PNPLA7: variants seen among roughly 807,000 people sequenced by gnomAD.
PNPLA7 encodes patatin like domain 7, lysophospholipase, also known as patatin-like phospholipase domain-containing protein 7.
PNPLA7 carries 153 observed loss-of-function variants against 161.7 expected under a neutral mutation model. That is an observed-to-expected ratio of 0.95 (90% CI 0.83 to 1.08). PNPLA7 has a LOEUF of 1.08. Among genes scored for constraint, PNPLA7 ranks in the 50% least tolerant of loss-of-function variants. PNPLA7 has a pLI of 0.00. For missense variants in PNPLA7, 1,739 were observed against 1,856.6 expected, an observed-to-expected ratio of 0.94 and a Z score of 1.16; for synonymous variants, 809 against 782.1, an observed-to-expected ratio of 1.03 and a Z score of -0.57.
chr9:137,487,316 G>A (rs1341826265), intron 20 of PNPLA7, among the ~76,000 whole-genome samples: 2 of 152,260 alleles, frequency 1.3e-5, no homozygotes, highest in Non-Finnish European at 2.9e-5. Flanking sequence ...CATCCACACC[G>A]GGCCCTGGTC....
chr9:137,507,496 CCT>C (rs1464858793), intron 12 of PNPLA7, among the ~76,000 whole-genome samples: 1 of 152,064 alleles, frequency 6.6e-6, no homozygotes, highest in Non-Finnish European at 1.5e-5. Flanking sequence ...ATGGAGAAAC[CCT>C]GTCTCCACTA....
At position 137,478,962 on chromosome 9, in the gene PNPLA7, C is replaced by T; in HGVS notation, c.2763+94G>A. The stretch of plus-strand genomic sequence containing the variant: ...AGGAAGGGCCCAGGAGCGCAGGTGT[C>T]AGGGAATCAGGTGGGGAATGTGAAG... On this transcript the variant is annotated intron_variant, in intron 24 of 34. Transcript: ENST00000406427. 6 of 1,403,196 alleles carry T rather than the reference C, an allele frequency of 4.3e-6. No homozygotes were observed. The South Asian group carries it at 8.8e-5, about 21-fold the overall frequency. 86.9% of individuals were successfully genotyped at this position (1,403,196 alleles called of 1,614,324 possible). A position where few individuals can be genotyped will look rare whatever the true frequency, so the allele number is the denominator to read the frequency against.
Position 137,520,176 on chromosome 9 carries a change from A to G in PNPLA7, c.958-133T>C. 2.3e-6 allele frequency: 3 copies of G among 1,324,370 alleles called. No homozygotes were observed. The highest frequency in any genetic ancestry group is 2.3e-5 in the East Asian group (1 of 42,840). The allele number at this position is 1,324,370 out of a possible 1,614,324, so 82.0% of individuals were successfully genotyped here. ...CAGGTGTGGGCCCCTCAAAGGTGTGACAGGTGTGGGACTCTCAAAGGTGTG... is the reference window on the plus strand; with the variant it reads ...CAGGTGTGGGCCCCTCAAAGGTGTGGCAGGTGTGGGACTCTCAAAGGTGTG... On this transcript the variant is annotated intron_variant, in intron 10 of 34. Coordinates refer to ENST00000406427, the MANE Select transcript of PNPLA7 (RefSeq NM_001098537.3). The surrounding 1 kb of genome is among the most constrained non-coding windows in gnomAD (Gnocchi z 5.2).
In PNPLA7 at chr9:137,478,132, G is replaced by A; in HGVS notation, c.2784C>T (p.Val928=). The part of the protein sequence containing the change: ...LPKLVEMYKH[V]FQRPPDRHSD... ...AGTGTCGGTCCGGGGGCCGCTGGAA[G>A]ACATGCTTGTACATCTCCACCTGGG... Residue 928 remains valine (V), a synonymous_variant, in exon 25 of 35, where the codon GTC becomes GTT. Transcript: ENST00000406427. 1 of 1,347,006 alleles carries A rather than the reference G, an allele frequency of 7.4e-7. No homozygotes were observed. Among genetic ancestry groups the A allele is most frequent in the Non-Finnish European group, 9.6e-7 (1 of 1,041,578 alleles). 83.4% of individuals were successfully genotyped at this position (1,347,006 alleles called of 1,614,324 possible).
At chr9:137,503,786 G>GAAAAAAGAAGAGAGAAGAAGAAAGAAAT (rs374070077) in intron 14 of PNPLA7, among the ~76,000 whole-genome samples, 7 of 3,354 alleles carry the variant, frequency 2.1e-3, no homozygotes, top group African/African-American at 0.018. Context: ...AAAGAAAGAA[G>GAAAAAAGAAGAGAGAAGAAGAAAGAAAT]AGAATGAAGA....
chr9:137,524,908 C>A lies in PNPLA7; in HGVS notation c.748-2051G>T, dbSNP rs537586449. The stretch of plus-strand genomic sequence containing the variant: ...CTGTCTTCACCAGCAGTTGGTGCCA[C>A]CATGTCGCATAATAAAGAATTTAGC... On this transcript the variant is annotated intron_variant, in intron 8 of 34. Coordinates refer to ENST00000406427, the MANE Select transcript of PNPLA7 (RefSeq NM_001098537.3). The surrounding 1 kb of genome is among the most constrained non-coding windows in gnomAD (Gnocchi z 4.4). Among the ~76,000 whole-genome samples, 1 of 152,334 alleles carries A rather than the reference C, an allele frequency of 6.6e-6. No homozygotes were observed. The highest frequency in any genetic ancestry group is 1.9e-4 in the East Asian group (1 of 5,188).
chr9:137,519,423 G>C (rs1834868214), intron 11 of PNPLA7, among the ~76,000 whole-genome samples: 1 of 152,244 alleles, frequency 6.6e-6, no homozygotes, highest in Non-Finnish European at 1.5e-5. Context: ...GAGAATTCTG[G>C]GAACAACTGA....
intron 14 of PNPLA7, among the ~76,000 whole-genome samples, chr9:137,503,775 A>AG (rs1833671076): frequency 8.3e-3 from 3 of 360 alleles, no homozygotes; most frequent in African/African-American, 0.048. Flanking sequence ...AAAAGAAGAA[A>AG]AAAGAAAGAA....
chr9:137,502,700 ACGC>A (rs1564321493), intron 14 of PNPLA7, among the ~76,000 whole-genome samples: 11 of 53,178 alleles, frequency 2.1e-4, no homozygotes, highest in Non-Finnish European at 3.5e-4. Context: ...GACGGGGGGG[ACGC>A]GGGGGACGCG....
At position 137,523,233 on chromosome 9, in the gene PNPLA7, A is replaced by G. The variant is rs1005523238; in HGVS notation, c.748-376T>C. On this transcript the variant is annotated intron_variant, in intron 8 of 34. Coordinates refer to ENST00000406427, the MANE Select transcript of PNPLA7 (RefSeq NM_001098537.3). The surrounding 1 kb of genome is among the most constrained non-coding windows in gnomAD (Gnocchi z 4.4). ...GACATCAGCGTCGGTACCCCTCGCC[A>G]AAGGGCGTGCCAGACACCAACCTGA... 6.6e-6 allele frequency among the ~76,000 whole-genome samples: 1 copy of G among 152,048 alleles called. No homozygotes were observed. Among genetic ancestry groups the G allele is most frequent in the Non-Finnish European group, 1.5e-5 (1 of 67,982 alleles).
At position 137,488,722 on chromosome 9, in the gene PNPLA7, C is replaced by A. The variant is rs142245136; in HGVS notation, c.2198-3986G>T. ...AGCAAGCACCAGCAGACATCCCCCC[C>A]CAACTGTGCACCCCCCGACCAGCCA... On this transcript the variant is annotated intron_variant, in intron 20 of 34. Coordinates refer to ENST00000406427, the MANE Select transcript of PNPLA7 (RefSeq NM_001098537.3). Among the ~76,000 whole-genome samples, 377 of 139,978 alleles carry A rather than the reference C, an allele frequency of 2.7e-3. 16 individuals are homozygous for A. In the East Asian group the frequency reaches 0.066, roughly 24 times the overall value. 91.8% of individuals were successfully genotyped at this position (139,978 alleles called of 152,430 possible).
chr9:137,491,850 C>T (rs776691247), intron 20 of PNPLA7: 14 of 985,264 alleles, frequency 1.4e-5, no homozygotes, highest in African/African-American at 1.7e-5. Context: ...TGCAATGTGT[C>T]GGGGGTGACA....
At chr9:137,501,617 G>A (rs922477293) in intron 15 of PNPLA7, 33 bp downstream of exon 15, 1 of 1,594,138 alleles carries the variant, frequency 6.3e-7, no homozygotes, top group Admixed American at 1.7e-5. Flanking sequence ...GGCATTGGGT[G>A]GTCCCAGTGC....
At chr9:137,460,800 C>A in intron 33 of PNPLA7, 63 bp from the exon 34 acceptor site, 3 of 1,482,906 alleles carry the variant, frequency 2.0e-6, no homozygotes, top group Non-Finnish European at 2.8e-6. Context: ...CCAGCATAGC[C>A]ACACTCAGAG....
In PNPLA7 at chr9:137,521,687, G is replaced by A; in HGVS notation, c.906C>T (p.Thr302=). The A allele has an allele frequency of 6.2e-7, 1 of 1,611,670 alleles. No individual in the cohort carries two copies. Among genetic ancestry groups the A allele is most frequent in the Non-Finnish European group, 8.5e-7 (1 of 1,179,784 alleles). ...QIIMVRLQRV[T]FLALHNYLGL... Reference sequence around the variant, plus strand: ...CGAGGTAGTTGTGCAGAGCCAGAAAGGTCACCCTCTGCAGCCGCACCATGA... The same window carrying A: ...CGAGGTAGTTGTGCAGAGCCAGAAAAGTCACCCTCTGCAGCCGCACCATGA... The change falls in exon 10 of 35, where the codon ACC becomes ACT. Residue 302 remains threonine (T), a synonymous_variant. Transcript: ENST00000406427.
chr9:137,522,188 C>T lies in PNPLA7; in HGVS notation c.877-472G>A, dbSNP rs535647080. Among the ~76,000 whole-genome samples, 410 of 152,332 alleles carry T rather than the reference C, an allele frequency of 2.7e-3. 4 individuals carry two copies. The highest frequency in any genetic ancestry group is 6.0e-4 in the Non-Finnish European group (41 of 68,036). On this transcript the variant is annotated intron_variant, in intron 9 of 34. Transcript: ENST00000406427. ...CTCCCGGGTTCATGCCGTTCTCCTG[C>T]CTCAGCCTCCCGAGTAGCTGGGACT...
At chr9:137,495,374 T>C (rs1332741739) in intron 18 of PNPLA7, among the ~76,000 whole-genome samples, 2 of 152,058 alleles carry the variant, frequency 1.3e-5, no homozygotes, top group African/African-American at 4.8e-5. Flanking sequence ...GACACAGGCA[T>C]TGGACACCAC....
rs994194828 is a variant in PNPLA7, at chr9:137,461,571, GAC to G, written c.3804_3805del (p.Arg1270HisfsTer2). 66 of 1,612,694 alleles carry G rather than the reference GAC, an allele frequency of 4.1e-5. No individual in the cohort carries two copies. The highest frequency in any genetic ancestry group is 5.2e-5 in the Non-Finnish European group (61 of 1,179,684). On this transcript the variant is annotated frameshift_variant, in exon 33 of 35. Transcript: ENST00000406427. LOFTEE classifies it high-confidence loss of function. ...GGCGGGCTTGGCGGGCTCAATGCGA[GAC>G]ACAATTTCGGCAAGGTCCGTGAAGG...
intron 19 of PNPLA7, among the ~76,000 whole-genome samples, chr9:137,493,924 C>A (rs1024233924): frequency 6.6e-6 from 1 of 152,140 alleles, no homozygotes; most frequent in African/African-American, 2.4e-5. Flanking sequence ...GATCTGCGGG[C>A]AGGAGAACCA....
Sources: allele counts gnomAD v4.1 joint callset (sites outside exome capture counted in the v4.1 genomes callset), GRCh38; gene constraint gnomAD v4.1.1; non-coding constraint Gnocchi (gnomAD v3.1); transcripts MANE v1.5; gene names NCBI Gene and HGNC (gene_info 2026-07-23, HGNC 2026-07-21).